The following PAPPA2 variants were observed in gnomAD, a reference collection of about 807,000 sequenced individuals.
PAPPA2 encodes pappalysin 2.
Under a neutral mutation model 176.4 loss-of-function variants are expected in PAPPA2, and 86 were observed. That is an observed-to-expected ratio of 0.49 (90% CI 0.41 to 0.58). The LOEUF (loss-of-function observed/expected upper bound fraction) is 0.58, where lower values mean the gene tolerates loss of function less well. PAPPA2 is among the 20% of genes least tolerant of loss of function. The pLI is 0.00. For missense variants in PAPPA2, 2,073 were observed against 2,256.9 expected (o/e 0.92, Z 1.65); for synonymous variants, 809 against 852.2 (o/e 0.95, Z 0.88).
chr1:176,809,390 C>T (rs1428358610), intron 21 of PAPPA2, among the ~76,000 whole-genome samples: 1 of 152,206 alleles, frequency 6.6e-6, no homozygotes, highest in African/African-American at 2.4e-5. Context: ...TGTTTTTACA[C>T]ATTTAGTAGT....
chr1:176,663,878 T>C (rs1417160102), intron 3 of PAPPA2, among the ~76,000 whole-genome samples: 1 of 152,192 alleles, frequency 6.6e-6, no homozygotes, highest in Non-Finnish European at 1.5e-5. Context: ...TTTGTCTTTC[T>C]AAGTATCTGT....
intron 1 of PAPPA2, among the ~76,000 whole-genome samples, chr1:176,545,065 C>CACCTGAACTGAGAACTGGACGTAAGCCAA (rs1415948672): frequency 6.6e-6 from 1 of 152,136 alleles, no homozygotes; most frequent in Non-Finnish European, 1.5e-5. Context: ...TTGATTAAAT[C>CACCTGAACTGAGAACTGGACGTAAGCCAA]ATTAGCCGTT....
intron 21 of PAPPA2, among the ~76,000 whole-genome samples, chr1:176,800,824 C>A (rs894108201): frequency 6.6e-6 from 1 of 152,124 alleles, no homozygotes; most frequent in Non-Finnish European, 1.5e-5. Context: ...TGCTTGCAAT[C>A]TCTTAGGTAG....
At chr1:176,747,259 G>A (rs1289507227) in intron 14 of PAPPA2, among the ~76,000 whole-genome samples, 1 of 152,192 alleles carries the variant, frequency 6.6e-6, no homozygotes, top group African/African-American at 2.4e-5. Flanking sequence ...ATGTGAACGG[G>A]CATATTTGTT....
chr1:176,723,015 G>C (rs759482792), intron 12 of PAPPA2, among the ~76,000 whole-genome samples: 1 of 152,190 alleles, frequency 6.6e-6, no homozygotes, highest in Non-Finnish European at 1.5e-5. Context: ...TGGAGACTAA[G>C]AAGTCTAAGA....
At chr1:176,678,501 T>A (rs1227609177) in intron 4 of PAPPA2, among the ~76,000 whole-genome samples, 1 of 152,084 alleles carries the variant, frequency 6.6e-6, no homozygotes, top group African/African-American at 2.4e-5. Context: ...TTAATGTATA[T>A]GAGAAAACAA....
intron 12 of PAPPA2, among the ~76,000 whole-genome samples, chr1:176,718,189 G>T (rs973835979): frequency 1.3e-5 from 2 of 151,770 alleles, no homozygotes; most frequent in African/African-American, 4.8e-5. Flanking sequence ...CAAATAATTT[G>T]TCCCTTAAAA....
chr1:176,539,864 T>C (rs145758564), intron 1 of PAPPA2, among the ~76,000 whole-genome samples: 121 of 152,370 alleles, frequency 7.9e-4, no homozygotes, highest in African/African-American at 2.9e-3. Context: ...TGCATTGCTT[T>C]CAGGTCTAGC....
chr1:176,750,390 AG>A (rs1663110969), intron 14 of PAPPA2, among the ~76,000 whole-genome samples: 1 of 152,162 alleles, frequency 6.6e-6, no homozygotes, highest in African/African-American at 2.4e-5. Flanking sequence ...GAATCGCCTG[AG>A]TTCAGGAGTT....
chr1:176,655,574 T>A (rs1014802232), intron 3 of PAPPA2, among the ~76,000 whole-genome samples: 4 of 151,850 alleles, frequency 2.6e-5, no homozygotes, highest in Non-Finnish European at 5.9e-5. Flanking sequence ...CACAATAAGA[T>A]GCCATCTTAC....
chr1:176,777,266 G>A (rs558198040), intron 17 of PAPPA2, among the ~76,000 whole-genome samples: 55 of 152,256 alleles, frequency 3.6e-4, no homozygotes, highest in Admixed American at 2.7e-3. Context: ...CACAAATGCT[G>A]CACAGACATG....
chr1:176,633,830 A>G (rs1656496448), intron 3 of PAPPA2, among the ~76,000 whole-genome samples: 1 of 152,258 alleles, frequency 6.6e-6, no homozygotes, highest in Admixed American at 6.5e-5. Flanking sequence ...CAGCCAACAG[A>G]CACATGAAAA....
intron 3 of PAPPA2, among the ~76,000 whole-genome samples, chr1:176,641,287 T>A (rs1657071832): frequency 6.6e-6 from 1 of 152,188 alleles, no homozygotes; most frequent in Non-Finnish European, 1.5e-5. Flanking sequence ...TGAATGGTAT[T>A]GCCTAGGTTT....
At chr1:176,811,097 A>C (rs918516084) in intron 21 of PAPPA2, among the ~76,000 whole-genome samples, 2 of 152,220 alleles carry the variant, frequency 1.3e-5, no homozygotes, top group Non-Finnish European at 2.9e-5. Context: ...AAGTATAATC[A>C]CAGCCCAAAA....
At chr1:176,817,671 G>T (rs1406464894) in intron 21 of PAPPA2, among the ~76,000 whole-genome samples, 3 of 151,688 alleles carry the variant, frequency 2.0e-5, no homozygotes, top group Admixed American at 6.6e-5. Flanking sequence ...AGGAAATGAG[G>T]TTCTGAATCT....
At chr1:176,676,643 G>A (rs1659313700) in intron 4 of PAPPA2, among the ~76,000 whole-genome samples, 1 of 152,012 alleles carries the variant, frequency 6.6e-6, no homozygotes, top group Non-Finnish European at 1.5e-5. Flanking sequence ...GATAGCAGGT[G>A]GGACATGTTA....
At chr1:176,712,051 G>T (rs1365650546) in intron 12 of PAPPA2, 70 bp downstream of exon 12, 1 of 1,523,232 alleles carries the variant, frequency 6.6e-7, no homozygotes, top group Non-Finnish European at 9.0e-7. Flanking sequence ...GTGTGTGTGT[G>T]TGTGTGTAAA....
At chr1:176,705,120 C>T (rs890314800) in intron 9 of PAPPA2, among the ~76,000 whole-genome samples, 2 of 152,120 alleles carry the variant, frequency 1.3e-5, no homozygotes, top group Non-Finnish European at 2.9e-5. Context: ...TAAATAAGCA[C>T]ATTAAGGCAT....
At chr1:176,560,047 T>G (rs1308101024) in intron 2 of PAPPA2, among the ~76,000 whole-genome samples, 1 of 152,136 alleles carries the variant, frequency 6.6e-6, no homozygotes, top group Non-Finnish European at 1.5e-5. Context: ...AGCCACGTAG[T>G]GGGGAATGTC....
Sources: allele counts gnomAD v4.1 joint callset (sites outside exome capture counted in the v4.1 genomes callset), GRCh38; gene constraint gnomAD v4.1.1; transcripts MANE v1.5; gene names NCBI Gene and HGNC (gene_info 2026-07-23, HGNC 2026-07-21).